The following UBTD1 variants were observed in gnomAD, a reference collection of about 807,000 sequenced individuals.
UBTD1 encodes ubiquitin domain containing 1, also known as ubiquitin domain-containing protein 1.
Under a neutral mutation model 21.7 loss-of-function variants are expected in UBTD1, and 19 were observed. The ratio of observed to expected loss-of-function variants is 0.87; its 90% CI spans 0.61 to 1.28. UBTD1 has a LOEUF of 1.28. UBTD1 is among the 50% of genes most tolerant of loss of function. The probability of loss-of-function intolerance (pLI) is 0.00; values close to 1 mark genes in which losing one functional copy is unlikely to be tolerated. For missense variants in UBTD1, 282 were observed against 315.1 expected (o/e 0.89, Z 0.80); for synonymous variants, 116 against 135.1 (o/e 0.86, Z 0.98).
At chr10:97,552,113 G>A (rs973689005) in intron 1 of UBTD1, among the ~76,000 whole-genome samples, 3 of 151,850 alleles carry the variant, frequency 2.0e-5, no homozygotes, top group Non-Finnish European at 4.4e-5. Context: ...ATACAGCTGA[G>A]CACTTTGGGA....
At chr10:97,555,023 C>T (rs908937089) in intron 1 of UBTD1, among the ~76,000 whole-genome samples, 1 of 152,102 alleles carries the variant, frequency 6.6e-6, no homozygotes, top group African/African-American at 2.4e-5. Flanking sequence ...AGCAGACAGA[C>T]GAGACCAGTA....
At chr10:97,534,602 C>G (rs1208416866) in intron 1 of UBTD1, among the ~76,000 whole-genome samples, 1 of 151,822 alleles carries the variant, frequency 6.6e-6, no homozygotes, top group Non-Finnish European at 1.5e-5. Flanking sequence ...CACACACACA[C>G]ACACACACAC....
At chr10:97,538,733 T>C (rs917815424) in intron 1 of UBTD1, among the ~76,000 whole-genome samples, 1 of 152,168 alleles carries the variant, frequency 6.6e-6, no homozygotes. Flanking sequence ...TCTCAAAGCT[T>C]TTTTTGCACA....
chr10:97,547,205 C>T (rs548350975), intron 1 of UBTD1, among the ~76,000 whole-genome samples: 3 of 152,296 alleles, frequency 2.0e-5, no homozygotes, highest in Admixed American at 6.5e-5. Context: ...TGCCGGTGCC[C>T]GTTGGGTCCT....
intron 1 of UBTD1, among the ~76,000 whole-genome samples, chr10:97,564,198 C>T (rs1383270543): frequency 1.3e-5 from 2 of 152,098 alleles, no homozygotes; most frequent in South Asian, 2.1e-4. Flanking sequence ...AGCAGCCTGG[C>T]GAGTTTCCTG....
At chr10:97,520,256 C>G (rs1287090597) in intron 1 of UBTD1, among the ~76,000 whole-genome samples, 6 of 152,184 alleles carry the variant, frequency 3.9e-5, no homozygotes, top group Admixed American at 1.3e-4. Flanking sequence ...TCAGTTGGAT[C>G]AAACCCTCAT....
At chr10:97,515,518 G>C (rs2040440082) in intron 1 of UBTD1, among the ~76,000 whole-genome samples, 1 of 152,210 alleles carries the variant, frequency 6.6e-6, no homozygotes, top group Non-Finnish European at 1.5e-5. Context: ...CAAAAAGGGT[G>C]ATTTATGATA....
At chr10:97,567,388 C>T (rs1030698768) in intron 1 of UBTD1, among the ~76,000 whole-genome samples, 64 of 136,714 alleles carry the variant, frequency 4.7e-4, no homozygotes, top group Admixed American at 2.3e-3. Flanking sequence ...GGGAAGGGTG[C>T]GGTGGCTCAC....
chr10:97,552,797 A>C (rs73332712), intron 1 of UBTD1, among the ~76,000 whole-genome samples: 3,245 of 152,280 alleles, frequency 0.021, 124 homozygotes, highest in African/African-American at 0.074. Context: ...CCGTGTTAGC[A>C]TCCTACCTCA....
intron 1 of UBTD1, among the ~76,000 whole-genome samples, chr10:97,502,009 A>G (rs181123114): frequency 1.6e-3 from 238 of 152,330 alleles, no homozygotes; most frequent in Non-Finnish European, 2.0e-3. Flanking sequence ...ATCAGCAACT[A>G]CATTGCAAGC....
In UBTD1 at chr10:97,550,069, A is replaced by G. The variant is rs955965285; in HGVS notation, c.71-17845A>G. On this transcript the variant is annotated intron_variant, in intron 1 of 2. Transcript: ENST00000370664. ...AGAGAAACAAGAGATTCGAGTCTGT[A>G]TCCTGGCCAGAGGGCCCTTGCCGGC... is the stretch of plus-strand genomic sequence containing the variant. Among the ~76,000 whole-genome samples the G allele has an allele frequency of 5.7e-4, 87 of 152,156 alleles. 5 individuals carry two copies. The highest frequency in any genetic ancestry group is 1.5e-5 in the Non-Finnish European group (1 of 68,020).
At chr10:97,555,047 G>A (rs1329303079) in intron 1 of UBTD1, among the ~76,000 whole-genome samples, 1 of 152,132 alleles carries the variant, frequency 6.6e-6, no homozygotes, top group Non-Finnish European at 1.5e-5. Context: ...AGTGCAATCT[G>A]GCAAAGAGGA....
chr10:97,536,466 C>A (rs1242147710), intron 1 of UBTD1, among the ~76,000 whole-genome samples: 2 of 152,140 alleles, frequency 1.3e-5, no homozygotes, highest in Admixed American at 6.6e-5. Flanking sequence ...TGTGGGTACC[C>A]CAGCTAGTGT....
Position 97,513,808 on chromosome 10 carries a change from G to A in UBTD1, c.70+14535G>A, listed in dbSNP as rs888591756. Among the ~76,000 whole-genome samples, 8 of 152,060 alleles carry A rather than the reference G, an allele frequency of 5.3e-5. No individual in the cohort carries two copies. In the East Asian group the frequency reaches 5.8e-4, roughly 11 times the overall value. ...GTTCACTGCAGCCTTGAACTCCTGC[G>A]TTCAAGTGATCCTCCCATCCCACCT... On this transcript the variant is annotated intron_variant, in intron 1 of 2. Coordinates refer to ENST00000370664, the MANE Select transcript of UBTD1 (RefSeq NM_024954.5).
At chr10:97,510,919 T>C (rs2040421012) in intron 1 of UBTD1, among the ~76,000 whole-genome samples, 2 of 152,170 alleles carry the variant, frequency 1.3e-5, no homozygotes, top group South Asian at 2.1e-4. Flanking sequence ...TATCTCCACA[T>C]AGATGGAAAC....
At chr10:97,522,177 T>G (rs2040469418) in intron 1 of UBTD1, among the ~76,000 whole-genome samples, 1 of 152,242 alleles carries the variant, frequency 6.6e-6, no homozygotes, top group African/African-American at 2.4e-5. Flanking sequence ...TGGAAAAGCC[T>G]GAAAGGTCAT....
At chr10:97,560,274 A>G (rs564657436) in intron 1 of UBTD1, among the ~76,000 whole-genome samples, 2 of 152,278 alleles carry the variant, frequency 1.3e-5, no homozygotes, top group African/African-American at 4.8e-5. Context: ...TCTTTGGACT[A>G]GACTGTCTAA....
chr10:97,509,676 A>C (rs2040414161), intron 1 of UBTD1, among the ~76,000 whole-genome samples: 1 of 152,068 alleles, frequency 6.6e-6, no homozygotes, highest in African/African-American at 2.4e-5. Context: ...CCTGAGACGG[A>C]GTCCTGCTCT....
chr10:97,507,774 C>CAA (rs61128714), intron 1 of UBTD1, among the ~76,000 whole-genome samples: 21 of 59,510 alleles, frequency 3.5e-4, no homozygotes, highest in East Asian at 4.6e-4. Flanking sequence ...GACTCCGTCT[C>CAA]AAAAAAAAAA....
Sources: gnomAD v4.1 joint callset for allele counts (sites outside exome capture counted in the v4.1 genomes callset) on GRCh38, gnomAD v4.1.1 for gene constraint, MANE v1.5 for transcripts, NCBI Gene and HGNC (gene_info 2026-07-23, HGNC 2026-07-21) for gene names.